Variants in ANAPC5 observed in about 807,000 individuals in gnomAD.
The protein encoded by ANAPC5 is anaphase promoting complex subunit 5, also known as anaphase-promoting complex subunit 5.
ANAPC5 carries 60 observed loss-of-function variants against 91.3 expected under a neutral mutation model. The observed-to-expected ratio is 0.66, with a 90% confidence interval of 0.53 to 0.81. The LOEUF is 0.81. Ranked by LOEUF, ANAPC5 falls within the 40% of genes least tolerant of loss-of-function variation. The pLI, the probability that ANAPC5 is intolerant of heterozygous loss-of-function variation, is 0.00. For synonymous variants in ANAPC5, 340 were observed against 364.1 expected (o/e 0.93, Z 0.75); for missense variants, 690 against 931.5 (o/e 0.74, Z 3.37).
chr12:121,318,712 G>A, intron 13 of ANAPC5, 104 bp from the exon 14 acceptor site: 2 of 1,057,390 alleles, frequency 1.9e-6, no homozygotes, highest in Non-Finnish European at 2.8e-6. Context: ...GGAAAAAACT[G>A]TGCCTGATTT....
At chr12:121,352,718 T>TTGTTGTTGTTGGTGGTGGTGG (rs71079056), upstream of ANAPC5, among the ~76,000 whole-genome samples, 6 of 102,348 alleles carry the variant, frequency 5.9e-5, no homozygotes, top group African/African-American at 1.7e-4. Flanking sequence ...GTTGTTGTTG[T>TTGTTGTTGTTGGTGGTGGTGG]TGGTGGTGGT....
intron 6 of ANAPC5, among the ~76,000 whole-genome samples, chr12:121,336,288 T>C (rs1365037928): frequency 1.3e-5 from 2 of 152,160 alleles, no homozygotes; most frequent in African/African-American, 4.8e-5. Context: ...TAAGAAAATT[T>C]TCCGAGTAAA....
intron 1 of ANAPC5, among the ~76,000 whole-genome samples, chr12:121,349,203 G>A (rs1425158670): frequency 1.3e-5 from 2 of 152,216 alleles, no homozygotes; most frequent in Non-Finnish European, 1.5e-5. Context: ...CAAACAGTTA[G>A]TAAAGGAGTT....
intron 1 of ANAPC5, chr12:121,351,179 T>C: frequency 2.5e-6 from 1 of 398,624 alleles, no homozygotes; most frequent in African/African-American, 2.1e-5. Context: ...CCGGCCAGCC[T>C]GGGTAACATG....
At position 121,308,588 on chromosome 12, in the gene ANAPC5, G is replaced by A; in HGVS notation, c.2160C>T (p.Leu720=). ...IRDVVYFQAR[L]YHTLGKTQER... is the part of the protein sequence containing the mutation. ...CCTGGGTCTTCCCCAGGGTATGGTA[G>A]AGTCTGGCCTGGAAGTAAACGACGT... is the stretch of plus-strand genomic sequence containing the variant. The change falls in exon 17 of 17, where the codon CTC becomes CTT. Residue 720 remains leucine (L), a synonymous_variant. Coordinates refer to ENST00000261819, the MANE Select transcript of ANAPC5 (RefSeq NM_016237.5). The A allele has an allele frequency of 6.2e-7, 1 of 1,614,152 alleles. No individual in the cohort carries two copies. The highest frequency in any genetic ancestry group is 1.1e-5 in the South Asian group (1 of 91,074).
intron 15 of ANAPC5, among the ~76,000 whole-genome samples, chr12:121,316,625 C>A (rs866679570): frequency 2.0e-5 from 3 of 147,304 alleles, no homozygotes; most frequent in African/African-American, 7.6e-5. Context: ...CCCACCTACT[C>A]GGAAGGCTGA....
At position 121,345,911 on chromosome 12, in the gene ANAPC5, G is replaced by A. The variant is rs1555274627; in HGVS notation, c.518C>T (p.Ala173Val). 1.2e-6 allele frequency: 2 copies of A among 1,613,934 alleles called. No individual in the cohort carries two copies. The highest frequency in any genetic ancestry group is 2.7e-5 in the African/African-American group (2 of 74,854). The change falls in exon 4 of 17, where the codon GCT becomes GTT. Residue 173 changes from alanine (A) to valine (V), a missense_variant. Transcript: ENST00000261819. Reference protein sequence around the residue: ...QNGEKKTVEDADMELTSRDEG... With the variant: ...QNGEKKTVEDVDMELTSRDEG... ...ATCTCTACTGGTCAGTTCCATATCA[G>A]CATCCTCCACTGTCTTTTTCTCACC...
rs949647442 is a variant in ANAPC5, at chr12:121,320,327, T to G, written c.1515+58A>C. On this transcript the variant is annotated intron_variant, in intron 12 of 16. Coordinates refer to ENST00000261819, the MANE Select transcript of ANAPC5 (RefSeq NM_016237.5). ...GGGGAGATTATGTCCCACTTTATAT[T>G]ATAATAAAAGCTATTTTTATCAGAA... 6.5e-6 allele frequency: 10 copies of G among 1,541,964 alleles called. No homozygotes were observed. In the Admixed American group the frequency reaches 1.7e-4, roughly 27 times the overall value.
At chr12:121,339,544 C>T (rs1283350372) in intron 5 of ANAPC5, among the ~76,000 whole-genome samples, 1 of 152,200 alleles carries the variant, frequency 6.6e-6, no homozygotes, top group Non-Finnish European at 1.5e-5. Context: ...AATCTTGGCT[C>T]ACTGCAAACT....
intron 15 of ANAPC5, among the ~76,000 whole-genome samples, chr12:121,315,620 C>T (rs1441622218): frequency 6.6e-6 from 1 of 152,136 alleles, no homozygotes; most frequent in African/African-American, 2.4e-5. Context: ...CGAAAATAAA[C>T]CTATATATCT....
intron 15 of ANAPC5, chr12:121,310,352 G>T: frequency 6.5e-6 from 1 of 153,320 alleles, no homozygotes; most frequent in South Asian, 2.0e-4. Flanking sequence ...TTGAGGCCAT[G>T]AGTTCAAGAC....
chr12:121,311,820 G>C (rs1450309422), intron 15 of ANAPC5, among the ~76,000 whole-genome samples: 1 of 152,164 alleles, frequency 6.6e-6, no homozygotes, highest in Non-Finnish European at 1.5e-5. Flanking sequence ...GCAACAGAGT[G>C]AGACTCTGTC....
intron 13 of ANAPC5, among the ~76,000 whole-genome samples, chr12:121,319,237 CT>C (rs71790112): frequency 0.27 from 38,359 of 141,652 alleles, 8,679 homozygotes; most frequent in African/African-American, 0.64. Flanking sequence ...TCTGTATTTT[CT>C]TTTTTTTTTT....
At position 121,337,392 on chromosome 12, in the gene ANAPC5, C is replaced by G. The variant is rs782801355; in HGVS notation, c.658G>C (p.Ala220Pro). 1 of 1,607,514 alleles carries G rather than the reference C, an allele frequency of 6.2e-7. No homozygotes were observed. Among genetic ancestry groups the G allele is most frequent in the Non-Finnish European group, 8.5e-7 (1 of 1,174,874 alleles). Residue 220 changes from alanine (A) to proline (P), a missense_variant and splice_region_variant, in exon 6 of 17, where the codon GCT becomes CCT. Coordinates refer to ENST00000261819, the MANE Select transcript of ANAPC5 (RefSeq NM_016237.5). ...GTCTCATCATTCTTTAGCAAAGAAGCCTGAAATTTAAAAATGGTAACTCAG... is the reference window on the plus strand; with the variant it reads ...GTCTCATCATTCTTTAGCAAAGAAGGCTGAAATTTAAAAATGGTAACTCAG... ...KQAEFFLSQQ[A>P]SLLKNDETKA...
intron 7 of ANAPC5, chr12:121,332,465 C>T (rs1555273011): frequency 6.6e-6 from 1 of 152,142 alleles, no homozygotes; most frequent in Non-Finnish European, 1.5e-5. Flanking sequence ...AAAACAAGAG[C>T]ACTTCACCTT....
chr12:121,319,640 A>AG, intron 13 of ANAPC5, 57 bp downstream of exon 13: 1 of 1,542,390 alleles, frequency 6.5e-7, no homozygotes, highest in Non-Finnish European at 8.7e-7. Flanking sequence ...ATAAAACAAA[A>AG]ACAAAACCAT....
chr12:121,317,506 C>T lies in ANAPC5; in HGVS notation c.1893+771G>A, dbSNP rs530074468. Among the ~76,000 whole-genome samples the T allele has an allele frequency of 9.2e-5, 14 of 152,144 alleles. No individual in the cohort carries two copies. In the South Asian group the frequency reaches 2.7e-3, roughly 29 times the overall value. On this transcript the variant is annotated intron_variant, in intron 15 of 16. Transcript: ENST00000261819. ...TGACCTTGTGATCTGCCCACCTCAG[C>T]CTCCCAAAGTGCTGGGATTATAGGC...
chr12:121,349,593 A>G (rs1488161765), intron 1 of ANAPC5, among the ~76,000 whole-genome samples: 3 of 151,820 alleles, frequency 2.0e-5, no homozygotes, highest in Non-Finnish European at 4.4e-5. Flanking sequence ...AAATAAATTT[A>G]AAAATAAAAA....
chr12:121,328,435 T>G lies in ANAPC5; in HGVS notation c.1185A>C (p.Ala395=). 3.1e-6 allele frequency: 5 copies of G among 1,613,980 alleles called. No individual in the cohort carries two copies. Among genetic ancestry groups the G allele is most frequent in the Non-Finnish European group, 4.2e-6 (5 of 1,180,000 alleles). ...VQQRAFAGKT[A]NKLMDALKDS... is the part of the protein sequence containing the mutation. ...CCTTTAGGGCATCCATCAGCTTGTT[T>G]GCCGTCTTCCCAGCAAAAGCTCTCT... is the stretch of plus-strand genomic sequence containing the variant. The change falls in exon 10 of 17, where the codon GCA becomes GCC. Residue 395 remains alanine (A), a synonymous_variant. Transcript: ENST00000261819.
Sources: gnomAD v4.1 joint callset for allele counts (sites outside exome capture counted in the v4.1 genomes callset) on GRCh38, gnomAD v4.1.1 for gene constraint, MANE v1.5 for transcripts, NCBI Gene and HGNC (gene_info 2026-07-23, HGNC 2026-07-21) for gene names.